The following N4BP2L1 variants were observed in gnomAD, a reference collection of about 807,000 sequenced individuals.
N4BP2L1 encodes the protein NEDD4 binding protein 2 like 1, also known as NEDD4-binding protein 2-like 1.
N4BP2L1 carries 12 observed loss-of-function variants against 21.2 expected under a neutral mutation model. The observed-to-expected ratio is 0.57, with a 90% confidence interval of 0.36 to 0.92. The LOEUF is 0.92. N4BP2L1 is among the 40% of genes least tolerant of loss of function. N4BP2L1 has a pLI of 0.01. For missense variants in N4BP2L1, 259 were observed against 310.6 expected, an observed-to-expected ratio of 0.83 and a Z score of 1.25; for synonymous variants, 104 against 112.8, an observed-to-expected ratio of 0.92 and a Z score of 0.49.
At chr13:32,419,019 TAA>T (rs1296895787) in intron 1 of N4BP2L1, among the ~76,000 whole-genome samples, 2 of 152,148 alleles carry the variant, frequency 1.3e-5, no homozygotes. Context: ...TGGAATGAGT[TAA>T]GACTTTGGGG....
At chr13:32,407,496 T>C in intron 2 of N4BP2L1, 149 bp downstream of exon 2, 1 of 1,580,254 alleles carries the variant, frequency 6.3e-7, no homozygotes, top group South Asian at 1.1e-5. Flanking sequence ...CTCTGGAATC[T>C]AAGGAGGTTA....
intron 1 of N4BP2L1, among the ~76,000 whole-genome samples, chr13:32,421,083 C>T (rs1333600576): frequency 6.6e-6 from 1 of 152,232 alleles, no homozygotes; most frequent in Non-Finnish European, 1.5e-5. Context: ...CAAGCTTCCA[C>T]ATCTTAGGAG....
At chr13:32,426,753 T>TA (rs1420829778) in intron 1 of N4BP2L1, among the ~76,000 whole-genome samples, 2 of 152,186 alleles carry the variant, frequency 1.3e-5, no homozygotes, top group Non-Finnish European at 2.9e-5. Flanking sequence ...GAACAGCTAC[T>TA]ACGTGCCAGA....
intron 1 of N4BP2L1, among the ~76,000 whole-genome samples, chr13:32,418,898 C>T (rs972731724): frequency 1.3e-5 from 2 of 152,150 alleles, no homozygotes; most frequent in Non-Finnish European, 2.9e-5. Flanking sequence ...TGCCTGTACC[C>T]CCATTGTATC....
intron 1 of N4BP2L1, among the ~76,000 whole-genome samples, chr13:32,410,526 T>C (rs1334903499): frequency 6.6e-6 from 1 of 152,214 alleles, no homozygotes; most frequent in African/African-American, 2.4e-5. Context: ...TAAAGAAGAC[T>C]TGATGAACCA....
intron 1 of N4BP2L1, among the ~76,000 whole-genome samples, chr13:32,408,037 C>T (rs2073631104): frequency 6.6e-6 from 1 of 152,220 alleles, no homozygotes; most frequent in African/African-American, 2.4e-5. Context: ...CCGCTGCCTT[C>T]TGTAGCGGCA....
chr13:32,428,018 C>CGCT lies in N4BP2L1; in HGVS notation c.62_64dup (p.Gln21dup), dbSNP rs748884668. On this transcript the variant is annotated inframe_insertion, in exon 1 of 5. Coordinates refer to ENST00000380130, the MANE Select transcript of N4BP2L1 (RefSeq NM_052818.3). The stretch of plus-strand genomic sequence containing the variant: ...CGGGGGCGGCCGGGGCGGCCGCTGC[C>CGCT]GCTGCTGCTGCTGCTGGGGCTGGAG... 4.8e-5 allele frequency: 75 copies of CGCT among 1,559,258 alleles called. No homozygotes were observed. Among genetic ancestry groups the CGCT allele is most frequent in the Admixed American group, 3.1e-4 (16 of 51,330 alleles).
At chr13:32,426,303 G>A (rs777349504) in intron 1 of N4BP2L1, among the ~76,000 whole-genome samples, 18 of 152,240 alleles carry the variant, frequency 1.2e-4, no homozygotes, top group South Asian at 2.1e-4. Flanking sequence ...AATTAAACAG[G>A]ATTTGACATT....
chr13:32,404,071 G>T, intron 4 of N4BP2L1: 2 of 1,253,910 alleles, frequency 1.6e-6, no homozygotes, highest in South Asian at 1.5e-5. Flanking sequence ...CATTTTAGCA[G>T]AATGTTAAAT....
chr13:32,428,555 C>G (rs879757924), upstream of N4BP2L1, among the ~76,000 whole-genome samples: 3 of 152,228 alleles, frequency 2.0e-5, no homozygotes, highest in Non-Finnish European at 4.4e-5. Flanking sequence ...ATTGTCTCCC[C>G]CGATTTGTGA....
Position 32,402,255 on chromosome 13 carries a change from AG to A in N4BP2L1, c.*686del, listed in dbSNP as rs1354764208. On this transcript the variant is annotated 3_prime_UTR_variant, in exon 5 of 5. Coordinates refer to ENST00000380130, the MANE Select transcript of N4BP2L1 (RefSeq NM_052818.3). ...TGCTGAATAAAGTAGTAAAAACACA[AG>A]GCGTGACTTTAAATAATGACACTGA... is the stretch of plus-strand genomic sequence containing the variant. 48 of 820,096 alleles carry A rather than the reference AG, an allele frequency of 5.9e-5. No homozygotes were observed. The highest frequency in any genetic ancestry group is 6.9e-5 in the Non-Finnish European group (47 of 679,342). The allele number at this position is 820,096 out of a possible 1,614,324, so 50.8% of individuals were successfully genotyped here. A position where few individuals can be genotyped will look rare whatever the true frequency, so the allele number is the denominator to read the frequency against.
At chr13:32,412,324 A>G (rs2073901285) in intron 1 of N4BP2L1, among the ~76,000 whole-genome samples, 1 of 152,130 alleles carries the variant, frequency 6.6e-6, no homozygotes, top group Non-Finnish European at 1.5e-5. Context: ...TTTTTGGAGA[A>G]CAATATGAAA....
In N4BP2L1 at chr13:32,402,207, C is replaced by G. The variant is rs1422963525; in HGVS notation, c.*735G>C. ...TTATTTACACTATTAGCACAACAGC[C>G]AAAAGTTATTCAGGTTTAATCCTGC... On this transcript the variant is annotated 3_prime_UTR_variant, in exon 5 of 5. Transcript: ENST00000380130. The G allele has an allele frequency of 1.0e-6, 1 of 979,168 alleles. No homozygotes were observed. Among genetic ancestry groups the G allele is most frequent in the African/African-American group, 1.8e-5 (1 of 57,046 alleles). The allele number at this position is 979,168 out of a possible 1,614,324, so 60.7% of individuals were successfully genotyped here. A position where few individuals can be genotyped will look rare whatever the true frequency, so the allele number is the denominator to read the frequency against.
chr13:32,419,748 C>G (rs1221785595), intron 1 of N4BP2L1, among the ~76,000 whole-genome samples: 5 of 152,134 alleles, frequency 3.3e-5, no homozygotes, highest in African/African-American at 1.2e-4. Context: ...ATAAATTATC[C>G]AGTTTTGGGT....
At chr13:32,405,879 T>C (rs1368775556) in intron 3 of N4BP2L1, among the ~76,000 whole-genome samples, 1 of 149,580 alleles carries the variant, frequency 6.7e-6, no homozygotes, top group African/African-American at 2.5e-5. Flanking sequence ...CTCCACTATC[T>C]GCTTCCTGCC....
intron 1 of N4BP2L1, among the ~76,000 whole-genome samples, chr13:32,411,266 C>T (rs906043662): frequency 6.6e-6 from 1 of 151,998 alleles, no homozygotes; most frequent in East Asian, 1.9e-4. Context: ...GGCCTCCATA[C>T]TCTTCCTAAC....
intron 1 of N4BP2L1, among the ~76,000 whole-genome samples, chr13:32,419,009 T>C (rs910208609): frequency 6.6e-6 from 1 of 152,168 alleles, no homozygotes; most frequent in African/African-American, 2.4e-5. Context: ...GAGTTAATGC[T>C]GGAATGAGTT....
chr13:32,405,142 C>G (rs200252187), intron 3 of N4BP2L1, among the ~76,000 whole-genome samples: 1 of 152,078 alleles, frequency 6.6e-6, no homozygotes, highest in Non-Finnish European at 1.5e-5. Flanking sequence ...ATAACACAAC[C>G]GGAAACCTCT....
chr13:32,402,135 T>A lies in N4BP2L1; in HGVS notation c.*807A>T, dbSNP rs1489787757. 4 of 984,912 alleles carry A rather than the reference T, an allele frequency of 4.1e-6. No individual in the cohort carries two copies. The highest frequency in any genetic ancestry group is 4.8e-6 in the Non-Finnish European group (4 of 829,568). The allele number at this position is 984,912 out of a possible 1,614,324, so 61.0% of individuals were successfully genotyped here. A position where few individuals can be genotyped will look rare whatever the true frequency, so the allele number is the denominator to read the frequency against. ...ATGTTAATAGGCATAATTTTAGAAG[T>A]CGTTTATTCCTTTTAAAAGTTAGTG... On this transcript the variant is annotated 3_prime_UTR_variant, in exon 5 of 5. Transcript: ENST00000380130.
Sources: allele counts gnomAD v4.1 joint callset (sites outside exome capture counted in the v4.1 genomes callset), GRCh38; gene constraint gnomAD v4.1.1; transcripts MANE v1.5; gene names NCBI Gene and HGNC (gene_info 2026-07-23, HGNC 2026-07-21).